The following TTBK2 variants were observed in gnomAD, a reference collection of about 807,000 sequenced individuals.
TTBK2 encodes the protein tau-tubulin kinase 2.
Under a neutral mutation model 110.8 loss-of-function variants are expected in TTBK2, and 28 were observed. That is an observed-to-expected ratio of 0.25 (90% CI 0.19 to 0.35). The LOEUF is 0.35. Ranked by LOEUF, TTBK2 falls within the 10% of genes least tolerant of loss-of-function variation. The pLI is 1.00. For synonymous variants in TTBK2, 532 were observed against 527.3 expected (o/e 1.01, Z -0.12); for missense variants, 1,369 against 1,500.3 (o/e 0.91, Z 1.45).
At chr15:42,852,892 A>G (rs1488511308) in intron 3 of TTBK2, among the ~76,000 whole-genome samples, 1 of 152,242 alleles carries the variant, frequency 6.6e-6, no homozygotes, top group Non-Finnish European at 1.5e-5. Flanking sequence ...ATATGTTTAC[A>G]TAAGGTTAAA....
chr15:42,879,529 C>T (rs898573509), intron 1 of TTBK2, among the ~76,000 whole-genome samples: 4 of 152,004 alleles, frequency 2.6e-5, no homozygotes, highest in African/African-American at 9.7e-5. Flanking sequence ...GGTCCCTAGG[C>T]CACATACTGT....
intron 1 of TTBK2, among the ~76,000 whole-genome samples, chr15:42,890,010 C>A (rs1024933607): frequency 6.6e-6 from 1 of 152,136 alleles, no homozygotes; most frequent in Non-Finnish European, 1.5e-5. Context: ...GTGACCTGCA[C>A]GTATATATCC....
At position 42,871,641 on chromosome 15, in the gene TTBK2, G is replaced by A. The variant is rs974296091; in HGVS notation, c.217+970C>T. 4.2e-6 allele frequency: 4 copies of A among 946,704 alleles called. No homozygotes were observed. The African/African-American group carries it at 7.1e-5, about 17-fold the overall frequency. 58.6% of individuals were successfully genotyped at this position (946,704 alleles called of 1,614,324 possible). ...CACTGAGTTGAGAACAACAACTCAAGAGAAATGTGGAGAAAATAGAAAAGG... is the reference window on the plus strand; with the variant it reads ...CACTGAGTTGAGAACAACAACTCAAAAGAAATGTGGAGAAAATAGAAAAGG... On this transcript the variant is annotated intron_variant, in intron 3 of 14. Coordinates refer to ENST00000267890, the MANE Select transcript of TTBK2 (RefSeq NM_173500.4).
intron 13 of TTBK2, among the ~76,000 whole-genome samples, chr15:42,774,754 G>C (rs968580561): frequency 6.6e-6 from 1 of 152,192 alleles, no homozygotes; most frequent in Non-Finnish European, 1.5e-5. Context: ...ACAGTGTACA[G>C]TGTAAAGAAC....
intron 12 of TTBK2, 44 bp downstream of exon 12, chr15:42,776,987 T>C: frequency 6.4e-7 from 1 of 1,554,492 alleles, no homozygotes; most frequent in Non-Finnish European, 8.9e-7. Flanking sequence ...ACAATAATAA[T>C]GGTACCTTAG....
chr15:42,886,563 C>T (rs1434604027), intron 1 of TTBK2, among the ~76,000 whole-genome samples: 1 of 152,104 alleles, frequency 6.6e-6, no homozygotes, highest in East Asian at 1.9e-4. Context: ...CATTTTATTA[C>T]CCAATCCGCT....
At chr15:42,878,064 T>C (rs1050564287) in intron 2 of TTBK2, among the ~76,000 whole-genome samples, 1 of 150,892 alleles carries the variant, frequency 6.6e-6, no homozygotes, top group African/African-American at 2.4e-5. Context: ...CCTTTTTTTT[T>C]CCCGGGTTCA....
chr15:42,885,852 C>T (rs1012265105), intron 1 of TTBK2, among the ~76,000 whole-genome samples: 3 of 152,172 alleles, frequency 2.0e-5, no homozygotes, highest in Admixed American at 1.3e-4. Context: ...CTTCAACTCT[C>T]GCCTGACCTA....
At position 42,753,162 on chromosome 15, in the gene TTBK2, A is replaced by T. The variant is rs747277579; in HGVS notation, c.2084T>A (p.Leu695His). 6.4e-5 allele frequency: 102 copies of T among 1,604,796 alleles called. No individual in the cohort carries two copies. The highest frequency in any genetic ancestry group is 8.4e-5 in the Non-Finnish European group (99 of 1,177,504). ...HCGQQPEKKD[L>H]QPMEPTVELY... ...TTCCACAGTGGGCTCCATGGGCTGA[A>T]GATCTTTCTTCTCTGGCTGCTGACC... The change falls in exon 14 of 15, where the codon CTT (leucine) becomes CAT (histidine). Residue 695 changes from leucine (L) to histidine (H), a missense_variant. Physicochemically the swap from Leu to His is moderately conservative, Grantham distance 99. This residue lies in a region of TTBK2 where 1,097 missense variants were observed against 1,114.7 expected (regional missense o/e 0.98). Coordinates refer to ENST00000267890, the MANE Select transcript of TTBK2 (RefSeq NM_173500.4).
rs1411532579 is a variant in TTBK2 at position 42,739,353 on chromosome 15, C to G, written c.*6442G>C. On this transcript the variant is annotated 3_prime_UTR_variant, in exon 15 of 15. Coordinates refer to ENST00000267890, the MANE Select transcript of TTBK2 (RefSeq NM_173500.4). ...TGGTCTTGTTCAACAAGAAAGAATT[C>G]TGGTTTGTGGCTGAATCTGATTTAA... 6.6e-6 allele frequency: 1 copy of G among 152,218 alleles called. No individual in the cohort carries two copies. The highest frequency in any genetic ancestry group is 1.5e-5 in the Non-Finnish European group (1 of 68,042). The allele number at this position is 152,218 out of a possible 1,614,324, so 9.4% of individuals were successfully genotyped here.
intron 3 of TTBK2, among the ~76,000 whole-genome samples, chr15:42,863,187 C>A (rs1490697146): frequency 6.6e-6 from 1 of 152,098 alleles, no homozygotes; most frequent in Non-Finnish European, 1.5e-5. Flanking sequence ...CACCAAAAGG[C>A]CCCTAGAACT....
At chr15:42,919,748 G>A (rs1312846746) in intron 1 of TTBK2, 83 of 978,468 alleles carry the variant, frequency 8.5e-5, no homozygotes, top group Non-Finnish European at 9.8e-5. Context: ...ACAACTCAAT[G>A]TCATTTTTAC....
At chr15:42,813,990 AAGAC>A (rs1891834837) in intron 7 of TTBK2, among the ~76,000 whole-genome samples, 1 of 152,188 alleles carries the variant, frequency 6.6e-6, no homozygotes, top group African/African-American at 2.4e-5. Context: ...AAACAACAAT[AAGAC>A]AGTATGACAG....
intron 1 of TTBK2, among the ~76,000 whole-genome samples, chr15:42,918,650 C>A (rs188671814): frequency 5.9e-5 from 9 of 152,146 alleles, no homozygotes; most frequent in Admixed American, 1.3e-4. Context: ...AAGTAAAATA[C>A]GCTCGAAAAT....
intron 1 of TTBK2, among the ~76,000 whole-genome samples, chr15:42,909,285 T>C (rs1374934002): frequency 6.6e-6 from 1 of 152,200 alleles, no homozygotes; most frequent in African/African-American, 2.4e-5. Context: ...GGAATACAAG[T>C]GCACCACCAG....
intron 3 of TTBK2, among the ~76,000 whole-genome samples, chr15:42,853,879 T>A (rs1421927526): frequency 2.0e-5 from 3 of 149,446 alleles, no homozygotes; most frequent in African/African-American, 7.5e-5. Context: ...AGGCTCCGTC[T>A]CAAAAAAAAA....
intron 10 of TTBK2, among the ~76,000 whole-genome samples, chr15:42,788,993 T>C (rs1361675410): frequency 6.6e-6 from 1 of 152,222 alleles, no homozygotes; most frequent in Non-Finnish European, 1.5e-5. Context: ...GATTAACCTA[T>C]CAACTCACAG....
rs2061765318 is a variant in TTBK2, at chr15:42,744,073, C to CCAATATTA, written c.*1714_*1721dup. On this transcript the variant is annotated 3_prime_UTR_variant, in exon 15 of 15. Coordinates refer to ENST00000267890, the MANE Select transcript of TTBK2 (RefSeq NM_173500.4). ...AATATAATACAGAAGGACTGATCTT[C>CCAATATTA]CAATATTACAGTTGCTTTAGATAAA... The CCAATATTA allele has an allele frequency of 6.6e-6, 1 of 152,156 alleles. No homozygotes were observed. Among genetic ancestry groups the CCAATATTA allele is most frequent in the Non-Finnish European group, 1.5e-5 (1 of 68,030 alleles). 9.4% of individuals were successfully genotyped at this position (152,156 alleles called of 1,614,324 possible). A position where few individuals can be genotyped will look rare whatever the true frequency, so the allele number is the denominator to read the frequency against.
chr15:42,876,965 C>A (rs1222933721), intron 2 of TTBK2, among the ~76,000 whole-genome samples: 1 of 152,110 alleles, frequency 6.6e-6, no homozygotes, highest in African/African-American at 2.4e-5. Context: ...TTCTTAATTA[C>A]ACTAAAAAAC....
Sources: gnomAD v4.1 joint callset for allele counts (sites outside exome capture counted in the v4.1 genomes callset) on GRCh38, gnomAD v4.1.1 for gene constraint, gnomAD v4.1.1 regional missense constraint, MANE v1.5 for transcripts, NCBI Gene and HGNC (gene_info 2026-07-23, HGNC 2026-07-21) for gene names.